PTPRD: variants seen among roughly 807,000 people sequenced by gnomAD.
The protein encoded by PTPRD is receptor-type tyrosine-protein phosphatase delta.
PTPRD carries 34 observed loss-of-function variants against 214.5 expected under a neutral mutation model. The ratio of observed to expected loss-of-function variants is 0.16; its 90% CI spans 0.12 to 0.21. The LOEUF (loss-of-function observed/expected upper bound fraction) is 0.21. PTPRD is among the 10% of genes least tolerant of loss of function. PTPRD has a pLI of 1.00. For missense variants in PTPRD, 2,545 were observed against 2,398.7 expected, an observed-to-expected ratio of 1.06 and a Z score of -1.27; for synonymous variants, 1,128 against 845.7, an observed-to-expected ratio of 1.33 and a Z score of -5.79.
chr9:9,497,309 C>T (rs970317705), intron 8 of PTPRD, among the ~76,000 whole-genome samples: 8 of 152,252 alleles, frequency 5.3e-5, no homozygotes, highest in African/African-American at 1.7e-4. Context: ...GTAGTGGGAA[C>T]TGACTTAACT....
intron 2 of PTPRD, among the ~76,000 whole-genome samples, chr9:10,345,540 T>A (rs1292054827): frequency 8.5e-5 from 13 of 152,136 alleles, no homozygotes; most frequent in Non-Finnish European, 1.5e-4. Flanking sequence ...CTTATGTTAG[T>A]TTGCTGAGAA....
chr9:9,458,911 G>C (rs187584081), intron 8 of PTPRD, among the ~76,000 whole-genome samples: 11 of 152,182 alleles, frequency 7.2e-5, no homozygotes, highest in African/African-American at 2.6e-4. Context: ...CCGCAATCCA[G>C]GCTGGGCAAC....
At position 8,824,021 on chromosome 9, in the gene PTPRD, T is replaced by C. The variant is rs907097732; in HGVS notation, c.-103-90075A>G. Among the ~76,000 whole-genome samples the C allele has an allele frequency of 1.6e-4, 25 of 152,320 alleles. 1 individual carries two copies. The highest frequency in any genetic ancestry group is 5.5e-4 in the African/African-American group (23 of 41,582). The stretch of plus-strand genomic sequence containing the variant: ...TTGCCATGGCATTTGTAAACTGTCA[T>C]GGTGCTGGTGGGAGTGTAGCAGTGA... On this transcript the variant is annotated intron_variant, in intron 11 of 45. Coordinates refer to ENST00000381196, the MANE Select transcript of PTPRD (RefSeq NM_002839.4).
chr9:8,509,693 G>C (rs958974099), intron 21 of PTPRD, among the ~76,000 whole-genome samples: 2 of 152,128 alleles, frequency 1.3e-5, no homozygotes, highest in African/African-American at 4.8e-5. Context: ...AATTTGTCTT[G>C]AGTAAATTCC....
At chr9:10,410,742 G>C (rs1401277778) in intron 2 of PTPRD, among the ~76,000 whole-genome samples, 1 of 151,760 alleles carries the variant, frequency 6.6e-6, no homozygotes, top group Non-Finnish European at 1.5e-5. Flanking sequence ...CTTAACAAGT[G>C]TGATCAATAG....
At chr9:8,451,098 C>G (rs973494509) in intron 33 of PTPRD, among the ~76,000 whole-genome samples, 4 of 152,166 alleles carry the variant, frequency 2.6e-5, no homozygotes, top group Non-Finnish European at 5.9e-5. Flanking sequence ...AGCCTTTCTT[C>G]CCATTTCTGC....
intron 12 of PTPRD, among the ~76,000 whole-genome samples, chr9:8,638,021 C>T (rs1020235454): frequency 9.2e-5 from 14 of 151,704 alleles, no homozygotes; most frequent in African/African-American, 3.1e-4. Flanking sequence ...GACTGCTTTC[C>T]ATCTTTTACA....
At chr9:8,696,133 G>A (rs1363662201) in intron 12 of PTPRD, among the ~76,000 whole-genome samples, 1 of 152,164 alleles carries the variant, frequency 6.6e-6, no homozygotes, top group Non-Finnish European at 1.5e-5. Context: ...CTGGGTTGAG[G>A]ACCAAACACC....
At chr9:8,522,297 G>C (rs1202907120) in intron 19 of PTPRD, among the ~76,000 whole-genome samples, 2 of 152,126 alleles carry the variant, frequency 1.3e-5, no homozygotes, top group Non-Finnish European at 2.9e-5. Flanking sequence ...AATGACCGCA[G>C]AAGAAATAAG....
At chr9:8,900,769 G>A (rs12238703) in intron 11 of PTPRD, among the ~76,000 whole-genome samples, 1,541 of 152,238 alleles carry the variant, frequency 0.01, 17 homozygotes, top group East Asian at 0.059. Context: ...ATTAAATGTG[G>A]GGGAAAATGG....
chr9:10,164,272 G>A (rs936255386), intron 3 of PTPRD, among the ~76,000 whole-genome samples: 1 of 151,208 alleles, frequency 6.6e-6, no homozygotes, highest in African/African-American at 2.4e-5. Context: ...GCTTCTAGAG[G>A]GCCATAAGAT....
In PTPRD at chr9:9,056,349, G is replaced by C. The variant is rs1400117954; in HGVS notation, c.-142-37614C>G. Among the ~76,000 whole-genome samples, 5 of 152,248 alleles carry C rather than the reference G, an allele frequency of 3.3e-5. No homozygotes were observed. In the South Asian group the frequency reaches 8.3e-4, roughly 25 times the overall value. On this transcript the variant is annotated intron_variant, in intron 10 of 45. Transcript: ENST00000381196. ...CTGCATCCTCAAATGAAGCAAAGAA[G>C]CCATAAAAAACATTTTGAGATAGTT...
chr9:10,195,584 T>C (rs1176283089), intron 3 of PTPRD, among the ~76,000 whole-genome samples: 1 of 152,202 alleles, frequency 6.6e-6, no homozygotes, highest in African/African-American at 2.4e-5. Context: ...GGCTCACGCC[T>C]GTGATCCCAG....
chr9:10,581,917 A>G (rs1345413199), intron 2 of PTPRD, among the ~76,000 whole-genome samples: 1 of 152,192 alleles, frequency 6.6e-6, no homozygotes, highest in African/African-American at 2.4e-5. Flanking sequence ...AAGAAAGTAG[A>G]ATTTTCAATC....
chr9:9,432,557 C>T (rs2083608262), intron 8 of PTPRD, among the ~76,000 whole-genome samples: 1 of 152,118 alleles, frequency 6.6e-6, no homozygotes, highest in African/African-American at 2.4e-5. Flanking sequence ...ATTTACTTTG[C>T]AGCTCTCTCT....
intron 3 of PTPRD, among the ~76,000 whole-genome samples, chr9:10,183,145 G>A (rs1490313414): frequency 6.6e-6 from 1 of 152,068 alleles, no homozygotes; most frequent in Non-Finnish European, 1.5e-5. Context: ...ACATAGTAAA[G>A]TGTTCAATTT....
chr9:8,598,663 G>A (rs2094610450), intron 14 of PTPRD, among the ~76,000 whole-genome samples: 1 of 152,058 alleles, frequency 6.6e-6, no homozygotes, highest in Non-Finnish European at 1.5e-5. Context: ...CCAATCAAAT[G>A]TACAATGCTG....
intron 9 of PTPRD, among the ~76,000 whole-genome samples, chr9:9,219,570 A>AT (rs946647954): frequency 1.3e-5 from 2 of 152,246 alleles, no homozygotes; most frequent in African/African-American, 2.4e-5. Context: ...AATAATACAT[A>AT]TTTTTTCACT....
intron 2 of PTPRD, among the ~76,000 whole-genome samples, chr9:10,497,214 G>A (rs2042329045): frequency 6.6e-6 from 1 of 151,962 alleles, no homozygotes; most frequent in African/African-American, 2.4e-5. Context: ...CACCACCTGA[G>A]TGATGAGATC....
Sources: gnomAD v4.1 joint callset for allele counts (sites outside exome capture counted in the v4.1 genomes callset) on GRCh38, gnomAD v4.1.1 for gene constraint, MANE v1.5 for transcripts, NCBI Gene and HGNC (gene_info 2026-07-23, HGNC 2026-07-21) for gene names.